The following PALM2AKAP2 variants were observed in gnomAD, a reference collection of about 807,000 sequenced individuals.
The protein encoded by PALM2AKAP2 is PALM2-AKAP2 fusion protein.
Under a neutral mutation model 71.5 loss-of-function variants are expected in PALM2AKAP2, and 37 were observed. That is an observed-to-expected ratio of 0.52 (90% CI 0.40 to 0.68). The LOEUF is 0.68. PALM2AKAP2 is among the 30% of genes least tolerant of loss of function. PALM2AKAP2 has a pLI of 0.00. For missense variants in PALM2AKAP2, 1,224 were observed against 1,191.8 expected (o/e 1.03, Z -0.40); for synonymous variants, 468 against 478.8 (o/e 0.98, Z 0.29).
chr9:110,158,199 A>C (rs905307769), intron 3 of PALM2AKAP2, among the ~76,000 whole-genome samples: 1 of 152,218 alleles, frequency 6.6e-6, no homozygotes, highest in Admixed American at 6.5e-5. Flanking sequence ...GCCCCACTTC[A>C]AAGGATAAAG....
intron 7 of PALM2AKAP2, among the ~76,000 whole-genome samples, chr9:110,020,667 G>A (rs892830786): frequency 5.2e-4 from 79 of 151,506 alleles, no homozygotes; most frequent in African/African-American, 1.8e-3. Flanking sequence ...TGCATGACCA[G>A]AGTGAGACTC....
At position 109,878,825 on chromosome 9, in the gene PALM2AKAP2, C is replaced by A. The variant is rs111906377; in HGVS notation, c.127-1726C>A. 2.6e-5 allele frequency among the ~76,000 whole-genome samples: 4 copies of A among 152,270 alleles called. 1 individual carries two copies. Among genetic ancestry groups the A allele is most frequent in the African/African-American group, 9.6e-5 (4 of 41,550 alleles). Reference sequence around the variant, plus strand: ...TGATCTCAGCCCACTGCAACCTCTGCCCCCCAGGTTCTAGTGATTCTTCTG... The same window carrying A: ...TGATCTCAGCCCACTGCAACCTCTGACCCCCAGGTTCTAGTGATTCTTCTG... On this transcript the variant is annotated intron_variant, in intron 2 of 9. Coordinates refer to the PALM2AKAP2 transcript ENST00000302798.
chr9:109,698,930 A>C (rs1828013101), intron 1 of PALM2AKAP2, among the ~76,000 whole-genome samples: 1 of 152,180 alleles, frequency 6.6e-6, no homozygotes, highest in African/African-American at 2.4e-5. Flanking sequence ...AGAGGGGGAA[A>C]AACTGTGAAA....
chr9:110,130,442 C>T (rs1243253329), intron 1 of PALM2AKAP2, among the ~76,000 whole-genome samples: 2 of 152,184 alleles, frequency 1.3e-5, no homozygotes, highest in African/African-American at 2.4e-5. Context: ...AATTAAGCCA[C>T]GCTAATTTGC....
chr9:110,089,597 A>G (rs1007283113), intron 1 of PALM2AKAP2, among the ~76,000 whole-genome samples: 2 of 152,184 alleles, frequency 1.3e-5, no homozygotes, highest in African/African-American at 4.8e-5. Flanking sequence ...CAAAAATAGG[A>G]TTTTGACTTT....
At chr9:109,823,066 C>A (rs745699774) in intron 1 of PALM2AKAP2, among the ~76,000 whole-genome samples, 7 of 152,166 alleles carry the variant, frequency 4.6e-5, no homozygotes, top group Non-Finnish European at 1.0e-4. Flanking sequence ...ACCAGCCCAG[C>A]CACATCAGAG....
intron 1 of PALM2AKAP2, among the ~76,000 whole-genome samples, chr9:109,732,923 T>C (rs2118663857): frequency 6.6e-6 from 1 of 152,224 alleles, no homozygotes; most frequent in Non-Finnish European, 1.5e-5. Context: ...GGGGTGGGTA[T>C]GTGTGACAAA....
chr9:110,151,343 A>C (rs1381668712), intron 2 of PALM2AKAP2, among the ~76,000 whole-genome samples: 1 of 152,104 alleles, frequency 6.6e-6, no homozygotes, highest in African/African-American at 2.4e-5. Context: ...GAGCCTCTGC[A>C]CCTGGCTTTT....
intron 6 of PALM2AKAP2, among the ~76,000 whole-genome samples, chr9:109,950,333 C>T (rs1831608351): frequency 6.6e-6 from 1 of 151,938 alleles, no homozygotes; most frequent in Non-Finnish European, 1.5e-5. Flanking sequence ...TGGCCTTCTA[C>T]ATAACACAGG....
intron 1 of PALM2AKAP2, among the ~76,000 whole-genome samples, chr9:110,130,099 G>C (rs775087369): frequency 2.0e-5 from 3 of 152,122 alleles, no homozygotes; most frequent in Non-Finnish European, 4.4e-5. Flanking sequence ...AAGAAAATCA[G>C]TCTGCTGCCA....
intron 1 of PALM2AKAP2, among the ~76,000 whole-genome samples, chr9:110,121,297 T>C (rs1835481263): frequency 6.6e-6 from 1 of 152,146 alleles, no homozygotes; most frequent in South Asian, 2.1e-4. Context: ...GGCTCCATGC[T>C]GAGATGTAGG....
At chr9:109,682,410 T>G (rs1440178742) in intron 1 of PALM2AKAP2, among the ~76,000 whole-genome samples, 1 of 152,216 alleles carries the variant, frequency 6.6e-6, no homozygotes, top group Non-Finnish European at 1.5e-5. Flanking sequence ...AATGTTTCTC[T>G]CAGAATCATC....
rs1215196672 is a variant in PALM2AKAP2 at position 110,049,243 on chromosome 9, C to T, written c.156+388C>T. On this transcript the variant is annotated intron_variant, in intron 1 of 3. Coordinates refer to ENST00000374525, the Ensembl canonical transcript of PALM2AKAP2. ...AATGTGGTCGTGGCCGCATCTCCTG[C>T]CCCGGGAGCACCGGGAGGTGCAGCC... 2.0e-5 allele frequency among the ~76,000 whole-genome samples: 3 copies of T among 152,348 alleles called. No homozygotes were observed. In the South Asian group the frequency reaches 6.2e-4, roughly 32 times the overall value.
upstream of PALM2AKAP2, among the ~76,000 whole-genome samples, chr9:110,048,318 A>G (rs1470025187): frequency 3.9e-5 from 6 of 152,036 alleles, no homozygotes; most frequent in Admixed American, 3.9e-4. Context: ...ACATATGTGT[A>G]CACCAACACA....
exon 2 of PALM2AKAP2, chr9:110,136,685 C>G: frequency 6.2e-7 from 1 of 1,614,172 alleles, no homozygotes; most frequent in Non-Finnish European, 8.5e-7. Flanking sequence ...CCTGCAGGTG[C>G]CTGTCAGCCC....
intron 1 of PALM2AKAP2, among the ~76,000 whole-genome samples, chr9:109,843,502 G>C (rs1222455439): frequency 1.3e-5 from 2 of 151,904 alleles, no homozygotes; most frequent in Non-Finnish European, 2.9e-5. Flanking sequence ...TGTATTACTT[G>C]TATTTATCAT....
At chr9:109,943,643 C>T in intron 6 of PALM2AKAP2, 1 of 585,486 alleles carries the variant, frequency 1.7e-6, no homozygotes, top group South Asian at 2.4e-5. Flanking sequence ...TGCTTTTCCT[C>T]TAAACCTTTC....
intron 1 of PALM2AKAP2, among the ~76,000 whole-genome samples, chr9:110,066,107 T>C (rs1314944134): frequency 6.6e-6 from 1 of 152,190 alleles, no homozygotes; most frequent in Admixed American, 6.5e-5. Context: ...AACAGATACA[T>C]GAAAAAGTAA....
chr9:109,789,102 T>C (rs1827041409), intron 1 of PALM2AKAP2, among the ~76,000 whole-genome samples: 1 of 152,214 alleles, frequency 6.6e-6, no homozygotes, highest in Non-Finnish European at 1.5e-5. Context: ...AGAGTTTGCC[T>C]GGGATTGACT....
Sources: allele counts gnomAD v4.1 joint callset (sites outside exome capture counted in the v4.1 genomes callset), GRCh38; gene constraint gnomAD v4.1.1; transcripts MANE v1.5; gene names NCBI Gene and HGNC (gene_info 2026-07-23, HGNC 2026-07-21).